The following ZBTB7C variants were observed in gnomAD, a reference collection of about 807,000 sequenced individuals.
ZBTB7C encodes the protein zinc finger and BTB domain-containing protein 7C.
A neutral mutation model predicts 25.7 loss-of-function variants in ZBTB7C; 8 were observed. The ratio of observed to expected loss-of-function variants is 0.31; its 90% confidence interval spans 0.18 to 0.56. ZBTB7C has a LOEUF of 0.56. Ranked by LOEUF, ZBTB7C falls within the 20% of genes least tolerant of loss-of-function variation. ZBTB7C has a pLI of 0.91. For synonymous variants in ZBTB7C, 394 were observed against 369.0 expected, an observed-to-expected ratio of 1.07 and a Z score of -0.78; for missense variants, 824 against 855.2, an observed-to-expected ratio of 0.96 and a Z score of 0.46.
intron 3 of ZBTB7C, among the ~76,000 whole-genome samples, chr18:48,053,480 G>A (rs7245377): frequency 0.064 from 9,811 of 152,144 alleles, 593 homozygotes; most frequent in African/African-American, 0.15. Context: ...GGTACCAGTC[G>A]CTGTCCTAAA....
chr18:48,361,457 C>T (rs1183552569), intron 1 of ZBTB7C, among the ~76,000 whole-genome samples: 1 of 152,200 alleles, frequency 6.6e-6, no homozygotes, highest in Non-Finnish European at 1.5e-5. Flanking sequence ...TTTTGCTAAA[C>T]ATAGAAATCT....
intron 2 of ZBTB7C, among the ~76,000 whole-genome samples, chr18:48,187,691 G>A (rs1042908748): frequency 2.6e-5 from 4 of 151,868 alleles, no homozygotes; most frequent in African/African-American, 7.3e-5. Flanking sequence ...TGTGGGGGCC[G>A]GTGCCTGTAG....
intron 2 of ZBTB7C, among the ~76,000 whole-genome samples, chr18:48,218,325 C>T (rs78796417): frequency 0.029 from 4,475 of 152,304 alleles, 73 homozygotes; most frequent in African/African-American, 0.042. Context: ...TCTGCTGGCT[C>T]GAGAGGCTGG....
chr18:48,252,069 T>C (rs777253820), intron 2 of ZBTB7C: 4 of 152,184 alleles, frequency 2.6e-5, no homozygotes, highest in Admixed American at 6.5e-5. Context: ...GTGACTGATA[T>C]AGAAAAGGTA....
chr18:48,272,404 A>G (rs1403549774), intron 2 of ZBTB7C, among the ~76,000 whole-genome samples: 1 of 152,218 alleles, frequency 6.6e-6, no homozygotes, highest in East Asian at 1.9e-4. Context: ...CTCCAGCAAG[A>G]TGACAGGAAG....
intron 3 of ZBTB7C, chr18:48,164,988 G>A (rs148541808): frequency 2.6e-6 from 3 of 1,138,656 alleles, no homozygotes; most frequent in East Asian, 1.3e-4. Flanking sequence ...AAAGGGAGCA[G>A]GGTTATATTA....
At chr18:48,368,527 A>T (rs2047308236) in intron 1 of ZBTB7C, among the ~76,000 whole-genome samples, 1 of 152,176 alleles carries the variant, frequency 6.6e-6, no homozygotes, top group African/African-American at 2.4e-5. Context: ...AGAGCTGAAA[A>T]GGTGCTCAAT....
At chr18:48,137,454 T>TA (rs1404992785) in intron 3 of ZBTB7C, 1 of 342,694 alleles carries the variant, frequency 2.9e-6, no homozygotes, top group African/African-American at 2.2e-5. Context: ...CAAAATGACT[T>TA]ACCACTTATC....
chr18:48,352,479 C>T, intron 1 of ZBTB7C, among the ~76,000 whole-genome samples: 1 of 152,216 alleles, frequency 6.6e-6, no homozygotes, highest in East Asian at 1.9e-4. Context: ...GCATCACCTC[C>T]AGAAAGTTCC....
chr18:48,220,284 G>C (rs9304359), intron 2 of ZBTB7C, among the ~76,000 whole-genome samples: 63,455 of 152,056 alleles, frequency 0.42, 13,506 homozygotes, highest in East Asian at 0.68. Flanking sequence ...GGATGAATGA[G>C]TGCAGCTCAG....
At chr18:48,306,521 G>A (rs755418848) in intron 2 of ZBTB7C, among the ~76,000 whole-genome samples, 1 of 152,332 alleles carries the variant, frequency 6.6e-6, no homozygotes, top group South Asian at 2.1e-4. Context: ...AGAAATATTA[G>A]ATGCTCAATA....
intron 3 of ZBTB7C, among the ~76,000 whole-genome samples, chr18:48,073,811 C>T (rs928953063): frequency 6.6e-6 from 1 of 152,088 alleles, no homozygotes; most frequent in Non-Finnish European, 1.5e-5. Flanking sequence ...ACGTTTCAGC[C>T]CTTGCTCCCC....
intron 3 of ZBTB7C, among the ~76,000 whole-genome samples, chr18:48,063,117 G>T (rs1473292403): frequency 6.6e-6 from 1 of 152,196 alleles, no homozygotes; most frequent in African/African-American, 2.4e-5. Flanking sequence ...AACATGTCTT[G>T]GTTTTCCCAG....
rs1345486033 is a variant in ZBTB7C at position 48,040,217 on chromosome 18, C to A, written c.891G>T (p.Leu297=). 3.6e-5 allele frequency: 56 copies of A among 1,571,858 alleles called. No homozygotes were observed. Among genetic ancestry groups the A allele is most frequent in the Non-Finnish European group, 4.5e-5 (52 of 1,160,908 alleles). The change falls in exon 4 of 5, where the codon CTG becomes CTT. Residue 297 remains leucine (L), a synonymous_variant. Transcript: ENST00000590800. The part of the protein sequence containing the change: ...RKIKEEEKEE[L]PPPPPPPFPN... ...GGAAGGGTGGCGGTGGGGGTGGGGG[C>A]AGCTCCTCCTTCTCCTCCTCCTTGA... is the stretch of plus-strand genomic sequence containing the variant.
chr18:48,275,442 TCA>T (rs897871990), intron 2 of ZBTB7C, among the ~76,000 whole-genome samples: 1 of 152,198 alleles, frequency 6.6e-6, no homozygotes, highest in African/African-American at 2.4e-5. Context: ...ACAGCCTAGC[TCA>T]GTCTTTACTC....
chr18:48,407,545 C>T (rs907004978), intron 1 of ZBTB7C, among the ~76,000 whole-genome samples: 1 of 152,182 alleles, frequency 6.6e-6, no homozygotes, highest in Non-Finnish European at 1.5e-5. Context: ...CCCTACCAGG[C>T]CTTGCCCAGG....
chr18:48,194,418 G>A (rs1299183789), intron 2 of ZBTB7C, among the ~76,000 whole-genome samples: 1 of 152,172 alleles, frequency 6.6e-6, no homozygotes, highest in Admixed American at 6.5e-5. Context: ...TCTAGAAAGG[G>A]GCTAAAGAAG....
At chr18:48,124,065 A>G (rs2039718954) in intron 3 of ZBTB7C, among the ~76,000 whole-genome samples, 1 of 152,096 alleles carries the variant, frequency 6.6e-6, no homozygotes, top group Non-Finnish European at 1.5e-5. Flanking sequence ...TGTCAAGTTA[A>G]CCCCATGACC....
chr18:48,208,789 C>G (rs563333424), intron 2 of ZBTB7C, among the ~76,000 whole-genome samples: 4 of 152,348 alleles, frequency 2.6e-5, no homozygotes, highest in Admixed American at 6.5e-5. Flanking sequence ...TCCTTATTTG[C>G]TTTCCCTTTC....
Sources: gnomAD v4.1 joint callset for allele counts (sites outside exome capture counted in the v4.1 genomes callset) on GRCh38, gnomAD v4.1.1 for gene constraint, MANE v1.5 for transcripts, NCBI Gene and HGNC (gene_info 2026-07-23, HGNC 2026-07-21) for gene names.